The following KCNH7 variants were observed in gnomAD, a reference collection of about 807,000 sequenced individuals.
The protein encoded by KCNH7 is potassium voltage-gated channel subfamily H member 7.
Under a neutral mutation model 120.8 loss-of-function variants are expected in KCNH7, and 49 were observed. The ratio of observed to expected loss-of-function variants is 0.41; its 90% CI spans 0.32 to 0.51. The LOEUF (loss-of-function observed/expected upper bound fraction) is 0.51, where lower values mean the gene tolerates loss of function less well. KCNH7 is among the 20% of genes least tolerant of loss of function. The pLI is 0.38. For missense variants in KCNH7, 1,097 were observed against 1,446.6 expected (o/e 0.76, Z 3.92); for synonymous variants, 547 against 516.1 (o/e 1.06, Z -0.81).
chr2:162,682,226 T>A (rs774155919), intron 2 of KCNH7, among the ~76,000 whole-genome samples: 3 of 151,710 alleles, frequency 2.0e-5, no homozygotes, highest in South Asian at 2.1e-4. Flanking sequence ...TGTATCTGAA[T>A]GTCCATAGGT....
At chr2:162,738,242 A>G (rs1574325232) in intron 2 of KCNH7, among the ~76,000 whole-genome samples, 1 of 152,000 alleles carries the variant, frequency 6.6e-6, no homozygotes, top group Admixed American at 6.6e-5. Flanking sequence ...ATATGTGTGT[A>G]TGTATATACA....
At chr2:162,768,748 C>T (rs1682923481) in intron 2 of KCNH7, among the ~76,000 whole-genome samples, 1 of 151,748 alleles carries the variant, frequency 6.6e-6, no homozygotes, top group Non-Finnish European at 1.5e-5. Context: ...AGTGTGAATG[C>T]AGGCTGTAGT....
At chr2:162,753,019 A>G (rs1433331071) in intron 2 of KCNH7, among the ~76,000 whole-genome samples, 2 of 147,188 alleles carry the variant, frequency 1.4e-5, no homozygotes, top group East Asian at 2.1e-4. Context: ...AAAAGAAAAG[A>G]AAAGAAAAGA....
intron 2 of KCNH7, among the ~76,000 whole-genome samples, chr2:162,779,313 A>G (rs1384032463): frequency 6.6e-6 from 1 of 151,788 alleles, no homozygotes; most frequent in Admixed American, 6.6e-5. Context: ...TGATTCTCTC[A>G]CCTCAGCCTC....
intron 2 of KCNH7, chr2:162,796,932 A>G (rs1245514943): frequency 6.6e-6 from 1 of 152,148 alleles, no homozygotes; most frequent in East Asian, 1.9e-4. Context: ...GATCTGGCAC[A>G]GTTCCAATTA....
At chr2:162,542,236 G>A (rs1222523912) in intron 2 of KCNH7, among the ~76,000 whole-genome samples, 1 of 140,284 alleles carries the variant, frequency 7.1e-6, no homozygotes, top group African/African-American at 2.7e-5. Flanking sequence ...TTTTTTCTTT[G>A]ATGAGCTTCT....
chr2:162,491,492 G>T (rs1045612348), intron 6 of KCNH7, among the ~76,000 whole-genome samples: 2 of 152,106 alleles, frequency 1.3e-5, no homozygotes, highest in Non-Finnish European at 2.9e-5. Flanking sequence ...CTGACAATTA[G>T]GCCCCCTCCC....
intron 2 of KCNH7, among the ~76,000 whole-genome samples, chr2:162,594,011 T>A (rs1694295992): frequency 6.6e-6 from 1 of 151,924 alleles, no homozygotes; most frequent in Non-Finnish European, 1.5e-5. Flanking sequence ...GTGCAGGGAG[T>A]GCTATCTTCC....
chr2:162,655,260 CA>C (rs1323161613), intron 2 of KCNH7, among the ~76,000 whole-genome samples: 1 of 152,038 alleles, frequency 6.6e-6, no homozygotes, highest in Non-Finnish European at 1.5e-5. Context: ...TACACACATG[CA>C]TTTTATCAAT....
chr2:162,834,769 G>A (rs1031520856), intron 2 of KCNH7, among the ~76,000 whole-genome samples: 4 of 151,974 alleles, frequency 2.6e-5, no homozygotes, highest in African/African-American at 4.8e-5. Context: ...CGCCACTTGC[G>A]GTGTAATAGA....
At chr2:162,694,623 C>T (rs1250811521) in intron 2 of KCNH7, among the ~76,000 whole-genome samples, 1 of 152,100 alleles carries the variant, frequency 6.6e-6, no homozygotes, top group Admixed American at 6.6e-5. Context: ...TTAGTTCATG[C>T]TCCTTCCAGG....
chr2:162,614,630 A>G (rs1447672493), intron 2 of KCNH7, among the ~76,000 whole-genome samples: 1 of 150,682 alleles, frequency 6.6e-6, no homozygotes. Flanking sequence ...GATTTTCAGA[A>G]TACATGTCAT....
intron 2 of KCNH7, among the ~76,000 whole-genome samples, chr2:162,786,927 A>C (rs1428705153): frequency 6.6e-6 from 1 of 152,262 alleles, no homozygotes; most frequent in Non-Finnish European, 1.5e-5. Context: ...AGAATAAGAA[A>C]AGATGCACAG....
intron 2 of KCNH7, among the ~76,000 whole-genome samples, chr2:162,686,465 C>A (rs997176668): frequency 6.6e-6 from 1 of 152,056 alleles, no homozygotes; most frequent in African/African-American, 2.4e-5. Context: ...GATAACATTA[C>A]CAAACTTGGC....
intron 2 of KCNH7, among the ~76,000 whole-genome samples, chr2:162,707,989 C>A (rs946638136): frequency 1.3e-5 from 2 of 151,806 alleles, no homozygotes; most frequent in African/African-American, 4.8e-5. Flanking sequence ...AAATTATAAC[C>A]TCCCCATCTA....
At chr2:162,729,915 GGT>G (rs1209350378) in intron 2 of KCNH7, among the ~76,000 whole-genome samples, 1 of 151,662 alleles carries the variant, frequency 6.6e-6, no homozygotes, top group Non-Finnish European at 1.5e-5. Flanking sequence ...ATGATCATAT[GGT>G]TTTCCTATTT....
intron 6 of KCNH7, among the ~76,000 whole-genome samples, chr2:162,464,211 T>C (rs1373836174): frequency 6.6e-6 from 1 of 152,020 alleles, no homozygotes; most frequent in Non-Finnish European, 1.5e-5. Context: ...AGAGATTCAT[T>C]AGCTTCCTAT....
At chr2:162,685,392 T>C (rs1349276385) in intron 2 of KCNH7, among the ~76,000 whole-genome samples, 1 of 152,042 alleles carries the variant, frequency 6.6e-6, no homozygotes, top group African/African-American at 2.4e-5. Flanking sequence ...CTTAGCATTA[T>C]ACTTAAGAGA....
chr2:162,606,977 T>C (rs1682794197), intron 2 of KCNH7, among the ~76,000 whole-genome samples: 1 of 152,114 alleles, frequency 6.6e-6, no homozygotes, highest in Admixed American at 6.6e-5. Context: ...ATCACTAAAA[T>C]TGTTTTTTGA....
Sources: allele counts gnomAD v4.1 joint callset (sites outside exome capture counted in the v4.1 genomes callset), GRCh38; gene constraint gnomAD v4.1.1; transcripts MANE v1.5; gene names NCBI Gene and HGNC (gene_info 2026-07-23, HGNC 2026-07-21).